Variants in PDE12 observed in about 807,000 individuals in gnomAD.
PDE12 encodes the protein phosphodiesterase 12, also known as 2',5'-phosphodiesterase 12.
PDE12 carries 26 observed loss-of-function variants against 45.4 expected under a neutral mutation model. That is an observed-to-expected ratio of 0.57 (90% CI 0.42 to 0.79). The LOEUF is 0.79. PDE12 is among the 30% of genes least tolerant of loss of function. The pLI, the probability that PDE12 is intolerant of heterozygous loss-of-function variation, is 0.00. For synonymous variants in PDE12, 283 were observed against 323.9 expected, an observed-to-expected ratio of 0.87 and a Z score of 1.36; for missense variants, 668 against 790.0, an observed-to-expected ratio of 0.85 and a Z score of 1.85.
rs2069786363 is a variant in PDE12 at position 57,566,306 on chromosome 3, G to T, written c.*6302G>T. The stretch of plus-strand genomic sequence containing the variant: ...GGATGTTTTTAAGGTTCTTACTGTT[G>T]TAGGATGTATCAGGAGTTTGTTTTT... On this transcript the variant is annotated 3_prime_UTR_variant, in exon 3 of 3. Coordinates refer to ENST00000311180, the MANE Select transcript of PDE12 (RefSeq NM_177966.7). The T allele has an allele frequency of 6.6e-6, 1 of 152,156 alleles. No individual in the cohort carries two copies. Among genetic ancestry groups the T allele is most frequent in the South Asian group, 2.1e-4 (1 of 4,836 alleles). 9.4% of individuals were successfully genotyped at this position (152,156 alleles called of 1,614,324 possible).
chr3:57,595,007 A>C, the PDE12 span, among the ~76,000 whole-genome samples: 1 of 152,228 alleles, frequency 6.6e-6, no homozygotes, highest in Non-Finnish European at 1.5e-5. Flanking sequence ...CCCAAAATTA[A>C]AGTGCAAAAC....
the PDE12 span, among the ~76,000 whole-genome samples, chr3:57,655,855 A>C: frequency 6.6e-6 from 1 of 152,228 alleles, no homozygotes; most frequent in Admixed American, 6.5e-5. Flanking sequence ...AATAAAGCGT[A>C]AGACTCATAC....
At chr3:57,596,938 G>C in the PDE12 span, 43 of 888,532 alleles carry the variant, frequency 4.8e-5, no homozygotes, top group East Asian at 3.0e-4. Context: ...TCCCCCTTAA[G>C]AATTCCTTCC....
the PDE12 span, among the ~76,000 whole-genome samples, chr3:57,595,312 A>G: frequency 6.6e-6 from 1 of 152,234 alleles, no homozygotes; most frequent in Admixed American, 6.5e-5. Flanking sequence ...GAACATAACC[A>G]TATATTGTTA....
At position 57,566,088 on chromosome 3, in the gene PDE12, G is replaced by A. The variant is rs1262373607; in HGVS notation, c.*6084G>A. ...CCCACTCTCCTTAAGAGCTTTTTTT[G>A]TCACTGCATATCAACTCAGTTGACA... is the stretch of plus-strand genomic sequence containing the variant. On this transcript the variant is annotated 3_prime_UTR_variant, in exon 3 of 3. Transcript: ENST00000311180. 1 of 151,944 alleles carries A rather than the reference G, an allele frequency of 6.6e-6. No homozygotes were observed. Among genetic ancestry groups the A allele is most frequent in the Non-Finnish European group, 1.5e-5 (1 of 67,986 alleles). 9.4% of individuals were successfully genotyped at this position (151,944 alleles called of 1,614,324 possible).
the PDE12 span, chr3:57,597,012 C>T: frequency 1.9e-6 from 3 of 1,573,582 alleles, no homozygotes; most frequent in East Asian, 2.3e-5. Flanking sequence ...GCCCAGAGGC[C>T]ACCCCAATTG....
chr3:57,595,649 C>T, the PDE12 span, among the ~76,000 whole-genome samples: 295 of 152,190 alleles, frequency 1.9e-3, no homozygotes, highest in African/African-American at 6.8e-3. Context: ...GGTAGTACAG[C>T]TCTAAAATAA....
chr3:57,637,813 AT>A, the PDE12 span, among the ~76,000 whole-genome samples: 106,709 of 144,662 alleles, frequency 0.74, 41,331 homozygotes, highest in East Asian at 0.99. Flanking sequence ...AACAAAAAAA[AT>A]AAATAAATAA....
At chr3:57,607,254 T>A in the PDE12 span, among the ~76,000 whole-genome samples, 2 of 151,908 alleles carry the variant, frequency 1.3e-5, no homozygotes, top group African/African-American at 2.4e-5. Flanking sequence ...ATCACCATCA[T>A]CAAAGACCAA....
the PDE12 span, among the ~76,000 whole-genome samples, chr3:57,636,406 T>C: frequency 1.3e-5 from 2 of 152,268 alleles, no homozygotes; most frequent in Middle Eastern, 3.4e-3. Flanking sequence ...TCAGTAAATA[T>C]TAAGTAAATG....
the PDE12 span, chr3:57,628,386 A>G: frequency 6.2e-7 from 1 of 1,601,378 alleles, no homozygotes; most frequent in South Asian, 1.1e-5. Flanking sequence ...TTATCCTCAG[A>G]ATCTGTATTA....
chr3:57,633,982 C>A, the PDE12 span, among the ~76,000 whole-genome samples: 1 of 151,768 alleles, frequency 6.6e-6, no homozygotes, highest in African/African-American at 2.4e-5. Context: ...GGTAACAGTC[C>A]CCTACTGTTA....
chr3:57,631,209 T>C, the PDE12 span: 8 of 479,396 alleles, frequency 1.7e-5, no homozygotes, highest in East Asian at 3.0e-4. Context: ...ACATTTTTTC[T>C]TTTTTGAGAC....
the PDE12 span, among the ~76,000 whole-genome samples, chr3:57,624,253 C>A: frequency 6.6e-6 from 1 of 151,908 alleles, no homozygotes; most frequent in Non-Finnish European, 1.5e-5. Flanking sequence ...CAGGTTCACA[C>A]CATTCTCCTG....
the PDE12 span, among the ~76,000 whole-genome samples, chr3:57,610,555 A>G: frequency 6.6e-6 from 1 of 152,164 alleles, no homozygotes; most frequent in African/African-American, 2.4e-5. Context: ...TACAAAATCA[A>G]TATGCAAAAA....
chr3:57,578,685 G>A, the PDE12 span, among the ~76,000 whole-genome samples: 1 of 152,012 alleles, frequency 6.6e-6, no homozygotes, highest in African/African-American at 2.4e-5. Flanking sequence ...TCACCACGTT[G>A]CCCATGTGGT....
the PDE12 span, among the ~76,000 whole-genome samples, chr3:57,629,507 CTTTTTTTTTTTT>C: frequency 1.0e-5 from 1 of 98,230 alleles, no homozygotes; most frequent in African/African-American, 3.9e-5. Context: ...AATCAGTCCG[CTTTTTTTTTTTT>C]TTTTTTTTTT....
At chr3:57,571,926 CAATT>C in the PDE12 span, 1 of 281,486 alleles carries the variant, frequency 3.6e-6, no homozygotes. Context: ...ACACTCAAAA[CAATT>C]TATTTAAAGG....
chr3:57,559,925 T>C lies in PDE12; in HGVS notation c.1751T>C (p.Val584Ala). ...ATTCCATTACCTAGTCATGAAGAAG[T>C]TACCACCCACCAGGCCTTACCTAGT... is the stretch of plus-strand genomic sequence containing the variant. ...QVIPLPSHEE[V>A]TTHQALPSVS... Residue 584 changes from valine to alanine, a missense_variant, in exon 3 of 3, where the codon GTT (valine) becomes GCT (alanine). This residue lies in a region of PDE12 where 79 missense variants were observed against 97.9 expected (regional missense o/e 0.81). Transcript: ENST00000311180. 6.2e-7 allele frequency: 1 copy of C among 1,613,858 alleles called. No homozygotes were observed. The highest frequency in any genetic ancestry group is 8.5e-7 in the Non-Finnish European group (1 of 1,180,030).
Sources: gnomAD v4.1 joint callset for allele counts (sites outside exome capture counted in the v4.1 genomes callset) on GRCh38, gnomAD v4.1.1 for gene constraint, gnomAD v4.1.1 regional missense constraint, MANE v1.5 for transcripts, NCBI Gene and HGNC (gene_info 2026-07-23, HGNC 2026-07-21) for gene names.